Variants in INPP4B observed in about 807,000 individuals in gnomAD.
The protein encoded by INPP4B is inositol polyphosphate 4-phosphatase type II.
INPP4B carries 55 observed loss-of-function variants against 122.5 expected under a neutral mutation model. The observed-to-expected ratio is 0.45, with a 90% confidence interval of 0.36 to 0.56. The LOEUF (loss-of-function observed/expected upper bound fraction) is 0.56, where lower values mean the gene tolerates loss of function less well. Ranked by LOEUF, INPP4B falls within the 20% of genes least tolerant of loss-of-function variation. INPP4B has a pLI of 0.00. For synonymous variants in INPP4B, 403 were observed against 388.7 expected (o/e 1.04, Z -0.43); for missense variants, 1,000 against 1,097.7 (o/e 0.91, Z 1.26).
chr4:142,457,647 A>G (rs1045041946), intron 3 of INPP4B, among the ~76,000 whole-genome samples: 1 of 152,200 alleles, frequency 6.6e-6, no homozygotes, highest in Non-Finnish European at 1.5e-5. Flanking sequence ...GACAATACCA[A>G]TCTCTGGTAA....
chr4:142,455,409 T>C (rs1047047770), intron 3 of INPP4B, among the ~76,000 whole-genome samples: 1 of 152,070 alleles, frequency 6.6e-6, no homozygotes, highest in Non-Finnish European at 1.5e-5. Context: ...AGTGAGAACA[T>C]ATGATATTTG....
chr4:142,842,859 A>G (rs1474335679), intron 1 of INPP4B, among the ~76,000 whole-genome samples: 2 of 137,638 alleles, frequency 1.5e-5, no homozygotes, highest in African/African-American at 2.7e-5. Context: ...AATATATATA[A>G]ATAATGATAT....
intron 9 of INPP4B, among the ~76,000 whole-genome samples, chr4:142,283,024 G>A (rs1363802127): frequency 6.6e-6 from 1 of 152,030 alleles, no homozygotes; most frequent in Admixed American, 6.6e-5. Flanking sequence ...GACACAACTT[G>A]GGCTGCAATA....
chr4:142,826,443 A>ACTGAATC (rs1161912473), intron 1 of INPP4B, among the ~76,000 whole-genome samples: 1 of 152,034 alleles, frequency 6.6e-6, no homozygotes, highest in Non-Finnish European at 1.5e-5. Flanking sequence ...CCCAGTAGGC[A>ACTGAATC]CTGAATCCTG....
chr4:142,444,410 T>C (rs993122833), intron 3 of INPP4B, among the ~76,000 whole-genome samples: 13 of 152,070 alleles, frequency 8.5e-5, no homozygotes, highest in Non-Finnish European at 1.5e-5. Context: ...GAAAAAAACC[T>C]CATCTTTACT....
chr4:142,415,931 C>T (rs568250164), intron 5 of INPP4B, among the ~76,000 whole-genome samples: 1 of 150,950 alleles, frequency 6.6e-6, no homozygotes, highest in South Asian at 2.1e-4. Flanking sequence ...CATGTTCTCA[C>T]TCATAGGTGG....
chr4:142,190,680 T>C (rs1211300992), intron 15 of INPP4B, among the ~76,000 whole-genome samples: 2 of 152,120 alleles, frequency 1.3e-5, no homozygotes, highest in Non-Finnish European at 2.9e-5. Flanking sequence ...TGAACATGTT[T>C]CTACTTTTAT....
At chr4:142,174,859 A>G (rs1329536674) in intron 15 of INPP4B, among the ~76,000 whole-genome samples, 1 of 152,040 alleles carries the variant, frequency 6.6e-6, no homozygotes, top group Non-Finnish European at 1.5e-5. Flanking sequence ...TTGAATGCCT[A>G]GCCTCGAGCC....
At chr4:142,831,338 A>C (rs979224055) in intron 1 of INPP4B, among the ~76,000 whole-genome samples, 1 of 152,206 alleles carries the variant, frequency 6.6e-6, no homozygotes, top group Non-Finnish European at 1.5e-5. Flanking sequence ...GCTTTGCTTT[A>C]GTGGCTCTAT....
intron 2 of INPP4B, among the ~76,000 whole-genome samples, chr4:142,635,791 T>C (rs1749018565): frequency 6.6e-6 from 1 of 152,084 alleles, no homozygotes; most frequent in South Asian, 2.1e-4. Context: ...AAATAATCTA[T>C]ACAACAAACC....
chr4:142,814,666 G>A (rs1779917043), intron 1 of INPP4B, among the ~76,000 whole-genome samples: 1 of 152,026 alleles, frequency 6.6e-6, no homozygotes, highest in African/African-American at 2.4e-5. Flanking sequence ...AATGGCCAAA[G>A]CTGGAAAAAT....
chr4:142,100,226 G>T (rs1783904903), intron 23 of INPP4B, among the ~76,000 whole-genome samples: 2 of 152,130 alleles, frequency 1.3e-5, no homozygotes, highest in Non-Finnish European at 2.9e-5. Context: ...GAGCCAGAGT[G>T]AGAGTCAAGG....
At chr4:142,634,519 G>T (rs1470964868) in intron 2 of INPP4B, among the ~76,000 whole-genome samples, 1 of 152,062 alleles carries the variant, frequency 6.6e-6, no homozygotes, top group Non-Finnish European at 1.5e-5. Flanking sequence ...GGAATGCAAG[G>T]TGAGCTTAAC....
intron 2 of INPP4B, among the ~76,000 whole-genome samples, chr4:142,605,381 C>T (rs1189817259): frequency 6.6e-6 from 1 of 151,796 alleles, no homozygotes; most frequent in Non-Finnish European, 1.5e-5. Context: ...GGTTTTATGG[C>T]TAAGACCTAA....
chr4:142,836,920 C>T (rs1468131990), intron 1 of INPP4B, among the ~76,000 whole-genome samples: 1 of 151,874 alleles, frequency 6.6e-6, no homozygotes, highest in East Asian at 1.9e-4. Context: ...AATCCCAGCA[C>T]TTTGGGAGGC....
intron 1 of INPP4B, among the ~76,000 whole-genome samples, chr4:142,760,333 A>G (rs1290658751): frequency 6.6e-6 from 1 of 152,152 alleles, no homozygotes; most frequent in Non-Finnish European, 1.5e-5. Context: ...TCTTTTAACT[A>G]ACAAAAGAGA....
At chr4:142,044,057 CAATT>C (rs1274525708) in intron 25 of INPP4B, among the ~76,000 whole-genome samples, 1 of 149,674 alleles carries the variant, frequency 6.7e-6, no homozygotes, top group African/African-American at 2.5e-5. Context: ...AAGTAGAAGA[CAATT>C]AAGATTTTAG....
chr4:142,383,436 G>A (rs1794889463), intron 7 of INPP4B, among the ~76,000 whole-genome samples: 1 of 152,050 alleles, frequency 6.6e-6, no homozygotes, highest in Non-Finnish European at 1.5e-5. Flanking sequence ...TGAGGTTGTG[G>A]GTCAAACCTA....
intron 2 of INPP4B, among the ~76,000 whole-genome samples, chr4:142,533,742 T>G (rs1290765532): frequency 6.6e-6 from 1 of 152,168 alleles, no homozygotes; most frequent in Non-Finnish European, 1.5e-5. Flanking sequence ...TTTATAAGAA[T>G]ATGACCCACC....
Sources: allele counts gnomAD v4.1 joint callset (sites outside exome capture counted in the v4.1 genomes callset), GRCh38; gene constraint gnomAD v4.1.1; transcripts MANE v1.5; gene names NCBI Gene and HGNC (gene_info 2026-07-23, HGNC 2026-07-21).